The following RNF121 variants were observed in gnomAD, a reference collection of about 807,000 sequenced individuals.
The protein encoded by RNF121 is E3 ubiquitin ligase RNF121.
In RNF121, 21 loss-of-function variants were observed where a neutral mutation model predicts 46.5. The observed-to-expected ratio is 0.45, with a 90% CI of 0.32 to 0.65. RNF121 has a LOEUF of 0.65. Ranked by LOEUF, RNF121 falls within the 30% of genes least tolerant of loss-of-function variation. The probability of loss-of-function intolerance (pLI) is 0.04; values close to 1 mark genes in which losing one functional copy is unlikely to be tolerated. For missense variants in RNF121, 346 were observed against 416.0 expected, an observed-to-expected ratio of 0.83 and a Z score of 1.46; for synonymous variants, 139 against 144.7, an observed-to-expected ratio of 0.96 and a Z score of 0.28.
At chr11:71,967,912 C>A (rs1954325329) in intron 3 of RNF121, among the ~76,000 whole-genome samples, 1 of 152,070 alleles carries the variant, frequency 6.6e-6, no homozygotes, top group Non-Finnish European at 1.5e-5. Flanking sequence ...GCTCAGGTTT[C>A]TTTTGGAATG....
Position 71,990,642 on chromosome 11 carries a change from C to G in RNF121, c.552C>G (p.Phe184Leu), listed in dbSNP as rs1954847265. The G allele has an allele frequency of 2.5e-6, 4 of 1,614,210 alleles. No homozygotes were observed. The highest frequency in any genetic ancestry group is 3.4e-6 in the Non-Finnish European group (4 of 1,180,028). ...TGGACTTTGGCATCTCCCTTCTCTTCTATGGCCTCTACTATGGAGTTCTGG... is the reference window on the plus strand; with the variant it reads ...TGGACTTTGGCATCTCCCTTCTCTTGTATGGCCTCTACTATGGAGTTCTGG... ...DAMDFGISLL[F>L]YGLYYGVLER... The change falls in exon 6 of 9, where the codon TTC (phenylalanine) becomes TTG (leucine). Residue 184 changes from phenylalanine to leucine, a missense_variant. Phe to Leu is a conservative substitution (Grantham distance 22). Transcript: ENST00000361756.
intron 1 of RNF121, 132 bp downstream of exon 1, chr11:71,929,256 T>G (rs1953201502): frequency 1.3e-5 from 18 of 1,403,222 alleles, no homozygotes; most frequent in Non-Finnish European, 1.5e-5. Flanking sequence ...AGGGGGCGGG[T>G]GCGTGGAGAG....
chr11:71,950,538 C>A (rs917847568), intron 1 of RNF121, among the ~76,000 whole-genome samples: 1 of 150,722 alleles, frequency 6.6e-6, no homozygotes, highest in Non-Finnish European at 1.5e-5. Flanking sequence ...GAACCGAGAT[C>A]ATGCCATCGC....
At chr11:71,958,883 A>C (rs1447905280) in intron 2 of RNF121, among the ~76,000 whole-genome samples, 1 of 152,198 alleles carries the variant, frequency 6.6e-6, no homozygotes, top group Non-Finnish European at 1.5e-5. Context: ...TTTCTAGATC[A>C]TTCTTTGACT....
chr11:71,932,420 C>T (rs1336678966), intron 1 of RNF121, among the ~76,000 whole-genome samples: 1 of 152,212 alleles, frequency 6.6e-6, no homozygotes, highest in Non-Finnish European at 1.5e-5. Flanking sequence ...TGGAGCTTAG[C>T]CCATGCTATA....
intron 3 of RNF121, 97 bp from the exon 4 acceptor site, chr11:71,982,664 G>A (rs1293289803): frequency 1.2e-5 from 16 of 1,350,532 alleles, no homozygotes; most frequent in Non-Finnish European, 1.5e-5. Flanking sequence ...ATACAGGAGA[G>A]GATCAAGCTA....
chr11:71,930,244 G>A (rs1461266592), intron 1 of RNF121, among the ~76,000 whole-genome samples: 1 of 152,172 alleles, frequency 6.6e-6, no homozygotes, highest in African/African-American at 2.4e-5. Context: ...GAAGGGGATT[G>A]GTTGTCAGAG....
At chr11:71,966,444 G>A (rs1377572354) in intron 3 of RNF121, among the ~76,000 whole-genome samples, 1 of 151,960 alleles carries the variant, frequency 6.6e-6, no homozygotes, top group Non-Finnish European at 1.5e-5. Flanking sequence ...TTCTTCTGTG[G>A]CAACTACTTT....
At chr11:71,972,204 A>G (rs1234825412) in intron 3 of RNF121, among the ~76,000 whole-genome samples, 1 of 152,200 alleles carries the variant, frequency 6.6e-6, no homozygotes, top group African/African-American at 2.4e-5. Context: ...AACAGGTACA[A>G]ACAAAAATAT....
At chr11:71,963,967 AT>A (rs1274053835) in intron 3 of RNF121, among the ~76,000 whole-genome samples, 9 of 152,106 alleles carry the variant, frequency 5.9e-5, no homozygotes, top group Admixed American at 5.2e-4. Flanking sequence ...CTTTGTTATT[AT>A]TTTTCAAGAT....
chr11:71,967,383 T>A (rs1288940462), intron 3 of RNF121, among the ~76,000 whole-genome samples: 10 of 115,922 alleles, frequency 8.6e-5, no homozygotes, highest in African/African-American at 3.1e-4. Flanking sequence ...GGAGTCTCAC[T>A]CTGTCACCCA....
chr11:71,997,166 A>G lies in RNF121; in HGVS notation c.*851A>G, dbSNP rs1050167385. The stretch of plus-strand genomic sequence containing the variant: ...GACACGTGCCAGCGGTCACTCTGCC[A>G]CATCACTTCCTTCTTGAAAGCCTAA... On this transcript the variant is annotated 3_prime_UTR_variant, in exon 9 of 9. Coordinates refer to ENST00000361756, the MANE Select transcript of RNF121 (RefSeq NM_018320.5). 1 of 152,074 alleles carries G rather than the reference A, an allele frequency of 6.6e-6. No homozygotes were observed. Among genetic ancestry groups the G allele is most frequent in the African/African-American group, 2.4e-5 (1 of 41,392 alleles). The allele number at this position is 152,074 out of a possible 1,614,324, so 9.4% of individuals were successfully genotyped here. A position where few individuals can be genotyped will look rare whatever the true frequency, so the allele number is the denominator to read the frequency against.
At chr11:71,946,647 GTT>G (rs547977600) in intron 1 of RNF121, among the ~76,000 whole-genome samples, 23 of 136,308 alleles carry the variant, frequency 1.7e-4, no homozygotes, top group Non-Finnish European at 2.1e-4. Flanking sequence ...TGAGCATGAG[GTT>G]TTTTTTTTTT....
chr11:71,933,664 A>G (rs1953330066), intron 1 of RNF121, among the ~76,000 whole-genome samples: 1 of 152,120 alleles, frequency 6.6e-6, no homozygotes, highest in East Asian at 1.9e-4. Context: ...GCCCGCTTGT[A>G]CTTTGTCTAG....
At chr11:71,937,496 G>C (rs1297471679) in intron 1 of RNF121, among the ~76,000 whole-genome samples, 1 of 152,018 alleles carries the variant, frequency 6.6e-6, no homozygotes, top group African/African-American at 2.4e-5. Flanking sequence ...ATTTGAAAAT[G>C]AATCTTAAAT....
intron 3 of RNF121, among the ~76,000 whole-genome samples, chr11:71,978,591 C>T (rs1954583188): frequency 6.6e-6 from 1 of 152,172 alleles, no homozygotes; most frequent in Admixed American, 6.5e-5. Flanking sequence ...AATAAGAGCT[C>T]TCATTTACTG....
chr11:71,996,599 T>TC lies in RNF121; in HGVS notation c.*287dup. ...AATTGCCCCCCTCCAGGCTTCACCC[T>TC]CCCTGCCTAAGCAGGGTGGGGGCAG... On this transcript the variant is annotated 3_prime_UTR_variant, in exon 9 of 9. Transcript: ENST00000361756. 1 of 285,966 alleles carries TC rather than the reference T, an allele frequency of 3.5e-6. No individual in the cohort carries two copies. The highest frequency in any genetic ancestry group is 4.8e-5 in the Admixed American group (1 of 20,714). The allele number at this position is 285,966 out of a possible 1,614,324, so 17.7% of individuals were successfully genotyped here.
intron 3 of RNF121, among the ~76,000 whole-genome samples, chr11:71,966,660 T>A (rs1045325535): frequency 6.6e-6 from 1 of 151,542 alleles, no homozygotes; most frequent in African/African-American, 2.4e-5. Context: ...ATATATATAT[T>A]TTAATTTTTT....
rs1953913132 is a variant in RNF121 at position 71,952,773 on chromosome 11, A to C, written c.64-4454A>C. Among the ~76,000 whole-genome samples the C allele has an allele frequency of 2.6e-5, 4 of 152,036 alleles. No homozygotes were observed. The South Asian group carries it at 8.3e-4, about 32-fold the overall frequency. ...GAGTGAGCTGACATCGTGCCACTGC[A>C]CTCTAGCTGGGGCGATAGAGCAAGA... On this transcript the variant is annotated intron_variant, in intron 1 of 8. Transcript: ENST00000361756.
Sources: allele counts gnomAD v4.1 joint callset (sites outside exome capture counted in the v4.1 genomes callset), GRCh38; gene constraint gnomAD v4.1.1; transcripts MANE v1.5; gene names NCBI Gene and HGNC (gene_info 2026-07-23, HGNC 2026-07-21).